Variants in NR3C2 observed in about 807,000 individuals in gnomAD.
NR3C2 encodes the protein mineralocorticoid receptor.
NR3C2 carries 15 observed loss-of-function variants against 86.4 expected under a neutral mutation model. The observed-to-expected ratio is 0.17, with a 90% CI of 0.12 to 0.27. The LOEUF (loss-of-function observed/expected upper bound fraction) is 0.27. Ranked by LOEUF, NR3C2 falls within the 10% of genes least tolerant of loss-of-function variation. The probability of loss-of-function intolerance (pLI) is 1.00; values close to 1 mark genes in which losing one functional copy is unlikely to be tolerated. For synonymous variants in NR3C2, 458 were observed against 450.5 expected (o/e 1.02, Z -0.21); for missense variants, 960 against 1,195.6 (o/e 0.80, Z 2.91).
At chr4:148,096,771 A>G (rs370978247) in intron 8 of NR3C2, among the ~76,000 whole-genome samples, 2 of 152,346 alleles carry the variant, frequency 1.3e-5, no homozygotes, top group East Asian at 1.9e-4. Context: ...ACACTCATTC[A>G]TTCATTCACA....
chr4:148,082,954 C>G (rs528454191), intron 8 of NR3C2, among the ~76,000 whole-genome samples: 270 of 152,176 alleles, frequency 1.8e-3, no homozygotes, highest in Admixed American at 3.2e-3. Context: ...GTAAACAGAG[C>G]CACCGGGAAG....
rs561464954 is a variant in NR3C2, at chr4:148,218,915, T to C, written c.1898-24053A>G. 9.2e-5 allele frequency among the ~76,000 whole-genome samples: 14 copies of C among 152,346 alleles called. No individual in the cohort carries two copies. The South Asian group carries it at 2.1e-3, about 23-fold the overall frequency. The stretch of plus-strand genomic sequence containing the variant: ...TGGCATCTGATTGTTCCCAAGTTTT[T>C]CTTGTATTGAATATAAATCTTTGTA... On this transcript the variant is annotated intron_variant, in intron 3 of 8. Transcript: ENST00000358102.
intron 2 of NR3C2, among the ~76,000 whole-genome samples, chr4:148,424,071 A>C (rs1749412753): frequency 6.6e-6 from 1 of 152,352 alleles, no homozygotes; most frequent in South Asian, 2.1e-4. Flanking sequence ...TCTATCAAAA[A>C]GTTTACAATA....
intron 8 of NR3C2, among the ~76,000 whole-genome samples, chr4:148,092,236 T>C (rs922923518): frequency 3.3e-5 from 5 of 152,202 alleles, no homozygotes; most frequent in South Asian, 2.1e-4. Flanking sequence ...ACCTCGCAGA[T>C]GACACTTTTT....
rs144442340 is a variant in NR3C2 at position 148,211,432 on chromosome 4, T to C, written c.1898-16570A>G. On this transcript the variant is annotated intron_variant, in intron 3 of 8. Coordinates refer to ENST00000358102, the MANE Select transcript of NR3C2 (RefSeq NM_000901.5). Reference sequence around the variant, plus strand: ...ATAAAATGCAGACATGGAAGGCTCATTGCCCTTTTTCTCTGCTCACTGCAG... The same window carrying C: ...ATAAAATGCAGACATGGAAGGCTCACTGCCCTTTTTCTCTGCTCACTGCAG... Among the ~76,000 whole-genome samples the C allele has an allele frequency of 1.6e-4, 25 of 152,354 alleles. No individual in the cohort carries two copies. The South Asian group carries it at 3.1e-3, about 19-fold the overall frequency.
At chr4:148,429,356 C>G (rs1050695614) in intron 2 of NR3C2, among the ~76,000 whole-genome samples, 4 of 152,204 alleles carry the variant, frequency 2.6e-5, no homozygotes, top group African/African-American at 9.7e-5. Context: ...TAAGTCATAG[C>G]CACAGTTATG....
At chr4:148,292,072 A>G (rs1228245229) in intron 2 of NR3C2, among the ~76,000 whole-genome samples, 1 of 152,106 alleles carries the variant, frequency 6.6e-6, no homozygotes, top group African/African-American at 2.4e-5. Flanking sequence ...TGAGGTAATA[A>G]GTTGAAATTC....
intron 2 of NR3C2, among the ~76,000 whole-genome samples, chr4:148,409,015 G>A (rs1351548267): frequency 6.6e-6 from 1 of 152,010 alleles, no homozygotes; most frequent in African/African-American, 2.4e-5. Flanking sequence ...TGTTTTCTAG[G>A]TCTTGCTAAT....
chr4:148,265,086 T>G (rs572818006), intron 2 of NR3C2, among the ~76,000 whole-genome samples: 200 of 152,226 alleles, frequency 1.3e-3, no homozygotes, highest in African/African-American at 4.4e-3. Context: ...TCAGCAAAGG[T>G]AGTTCAGAGG....
At chr4:148,107,849 G>T (rs1229113684) in intron 8 of NR3C2, among the ~76,000 whole-genome samples, 1 of 152,134 alleles carries the variant, frequency 6.6e-6, no homozygotes, top group Non-Finnish European at 1.5e-5. Context: ...CCTATTTGGA[G>T]GTCAGGGACA....
intron 8 of NR3C2, among the ~76,000 whole-genome samples, chr4:148,091,500 G>A (rs1455155751): frequency 6.6e-6 from 1 of 152,236 alleles, no homozygotes; most frequent in Admixed American, 6.5e-5. Context: ...TCAAGGAGGT[G>A]GGCACAAGAC....
intron 4 of NR3C2, among the ~76,000 whole-genome samples, chr4:148,178,932 T>TAAAAAAAAAA (rs58576220): frequency 8.4e-5 from 8 of 95,244 alleles, no homozygotes; most frequent in East Asian, 3.0e-4. Flanking sequence ...AAGAAGCAGG[T>TAAAAAAAAAA]AAAAAAAAAA....
chr4:148,336,065 G>A (rs1394745273), intron 2 of NR3C2, among the ~76,000 whole-genome samples: 1 of 151,990 alleles, frequency 6.6e-6, no homozygotes, highest in African/African-American at 2.4e-5. Context: ...TCCCTCTCTT[G>A]CCTTGAGTGA....
At chr4:148,214,808 C>G (rs542055408) in intron 3 of NR3C2, among the ~76,000 whole-genome samples, 98 of 152,184 alleles carry the variant, frequency 6.4e-4, no homozygotes, top group African/African-American at 2.3e-3. Flanking sequence ...GGCTGGACGT[C>G]GAGAGTTTAT....
chr4:148,109,373 C>T (rs1167025425), intron 8 of NR3C2, among the ~76,000 whole-genome samples: 1 of 152,200 alleles, frequency 6.6e-6, no homozygotes, highest in Non-Finnish European at 1.5e-5. Flanking sequence ...CTTTTAGACA[C>T]TCAAGTATTT....
chr4:148,303,970 A>G (rs1300104618), intron 2 of NR3C2, among the ~76,000 whole-genome samples: 4 of 152,206 alleles, frequency 2.6e-5, no homozygotes, highest in Non-Finnish European at 5.9e-5. Context: ...GGACTCAGGG[A>G]TGCGAGGACA....
chr4:148,385,241 A>G (rs554502386), intron 2 of NR3C2, among the ~76,000 whole-genome samples: 39 of 152,346 alleles, frequency 2.6e-4, no homozygotes, highest in South Asian at 1.0e-3. Flanking sequence ...TAATAGGAAG[A>G]AACTCTATGC....
chr4:148,329,704 T>C (rs1744140235), intron 2 of NR3C2, among the ~76,000 whole-genome samples: 2 of 152,198 alleles, frequency 1.3e-5, no homozygotes, highest in African/African-American at 4.8e-5. Flanking sequence ...CTTTCTACAT[T>C]TTATAGGTAA....
chr4:148,187,072 T>C (rs940372387), intron 4 of NR3C2, among the ~76,000 whole-genome samples: 4 of 145,824 alleles, frequency 2.7e-5, no homozygotes, highest in African/African-American at 1.0e-4. Context: ...ATATATGATA[T>C]ATGTGATATG....
Sources: gnomAD v4.1 joint callset for allele counts (sites outside exome capture counted in the v4.1 genomes callset) on GRCh38, gnomAD v4.1.1 for gene constraint, MANE v1.5 for transcripts, NCBI Gene and HGNC (gene_info 2026-07-23, HGNC 2026-07-21) for gene names.